The following PDE4C variants were observed in gnomAD, a reference collection of about 807,000 sequenced individuals.
PDE4C encodes 3',5'-cyclic-AMP phosphodiesterase 4C.
A neutral mutation model predicts 63.9 loss-of-function variants in PDE4C; 50 were observed. The ratio of observed to expected loss-of-function variants is 0.78; its 90% confidence interval spans 0.62 to 0.99. The LOEUF is 0.99. PDE4C is among the 50% of genes least tolerant of loss of function. The probability of loss-of-function intolerance (pLI) is 0.00; values close to 1 mark genes in which losing one functional copy is unlikely to be tolerated. For synonymous variants in PDE4C, 377 were observed against 385.1 expected (o/e 0.98, Z 0.25); for missense variants, 777 against 899.1 (o/e 0.86, Z 1.74).
At position 18,220,941 on chromosome 19, in the gene PDE4C, C is replaced by T. The variant is rs528031962; in HGVS notation, c.450-18G>A. ...GTCCCTGCCTGCGGTACAGCAGCCTCAGGCGTGGCTGCTCCGCCCATCTCG... is the reference window on the plus strand; with the variant it reads ...GTCCCTGCCTGCGGTACAGCAGCCTTAGGCGTGGCTGCTCCGCCCATCTCG... On this transcript the variant is annotated intron_variant, in intron 4 of 14. Transcript: ENST00000262805. This position sits in a 1 kb window ranked among gnomAD's most constrained non-coding sequence, Gnocchi z 5.1. 7.5e-6 allele frequency: 12 copies of T among 1,596,804 alleles called. No individual in the cohort carries two copies. The South Asian group carries it at 1.0e-4, about 14-fold the overall frequency.
upstream of PDE4C, chr19:18,250,562 C>A: frequency 2.5e-6 from 1 of 398,142 alleles, no homozygotes; most frequent in East Asian, 3.6e-5. Flanking sequence ...AAAATCTGTT[C>A]TCAGGAAGCT....
intron 9 of PDE4C, 99 bp from the exon 10 acceptor site, chr19:18,218,597 A>ATAGAT: frequency 3.0e-6 from 4 of 1,348,958 alleles, no homozygotes; most frequent in Non-Finnish European, 4.2e-6. Context: ...TGCCTCAAGC[A>ATAGAT]CCTGCTCCTC....
chr19:18,238,131 G>A (rs1174471186), upstream of PDE4C, among the ~76,000 whole-genome samples: 1 of 151,938 alleles, frequency 6.6e-6, no homozygotes, highest in Non-Finnish European at 1.5e-5. Flanking sequence ...AGGCTGAGGT[G>A]GGAGGACTGC....
rs941970280 is a variant in PDE4C at position 18,215,835 on chromosome 19, T to TC, written c.1389+905_1389+906insG. ...GCTGCTTAATTTTTTTCTTTTCTTT[T>TC]TTTTTTTTTTTTGAGACAGAGTCTC... On this transcript the variant is annotated intron_variant, in intron 12 of 14. Transcript: ENST00000262805. 1.0e-4 allele frequency among the ~76,000 whole-genome samples: 15 copies of TC among 147,956 alleles called. 1 individual carries two copies.
At chr19:18,224,559 C>T in intron 1 of PDE4C, 4 of 964,966 alleles carry the variant, frequency 4.1e-6, no homozygotes, top group Non-Finnish European at 4.9e-6. Flanking sequence ...CGATTGAGCT[C>T]GGGAGACTTC....
exon 15 of PDE4C, chr19:18,211,093 C>G (rs375292128): frequency 2.4e-5 from 39 of 1,614,082 alleles, no homozygotes; most frequent in Non-Finnish European, 3.2e-5. Flanking sequence ...AGAGTCAGTT[C>G]AAACTGGAAT....
In PDE4C at chr19:18,220,584, C is replaced by A; in HGVS notation, c.500-69G>T. ...AGGGACCCCACGCCTCTCGCGACTT[C>A]GTCTCTTCATCTGGACCCTGAAACT... On this transcript the variant is annotated intron_variant, in intron 5 of 14. Transcript: ENST00000262805. This position sits in a 1 kb window ranked among gnomAD's most constrained non-coding sequence, Gnocchi z 5.1. The A allele has an allele frequency of 7.4e-7, 1 of 1,350,458 alleles. No individual in the cohort carries two copies. The highest frequency in any genetic ancestry group is 1.0e-6 in the Non-Finnish European group (1 of 964,898). The allele number at this position is 1,350,458 out of a possible 1,614,324, so 83.7% of individuals were successfully genotyped here.
At chr19:18,242,695 G>T (rs1049612250) in intron 1 of PDE4C, among the ~76,000 whole-genome samples, 2 of 148,674 alleles carry the variant, frequency 1.3e-5, no homozygotes, top group Non-Finnish European at 1.5e-5. Context: ...TGACGTAAGG[G>T]AATTGCTTGA....
At chr19:18,229,052 C>T (rs901273744), upstream of PDE4C, among the ~76,000 whole-genome samples, 2 of 151,938 alleles carry the variant, frequency 1.3e-5, no homozygotes, top group Non-Finnish European at 2.9e-5. Context: ...TCTCCTGCCT[C>T]AGCCTCCCAA....
At chr19:18,216,888 C>T in exon 12 of PDE4C, 1 of 1,611,314 alleles carries the variant, frequency 6.2e-7, no homozygotes, top group Non-Finnish European at 8.5e-7. Context: ...TAAGCGCCAG[C>T]TCTGAGTCTG....
upstream of PDE4C, among the ~76,000 whole-genome samples, chr19:18,251,774 G>A (rs73001498): frequency 0.14 from 20,100 of 143,522 alleles, 1,738 homozygotes; most frequent in East Asian, 0.32. Flanking sequence ...TTTTTGTAGA[G>A]ACAAAGTCCT....
chr19:18,212,771 C>T (rs1043787191), intron 13 of PDE4C, among the ~76,000 whole-genome samples: 4 of 151,690 alleles, frequency 2.6e-5, no homozygotes, highest in African/African-American at 9.7e-5. Context: ...TCACTGCAAC[C>T]TCTACCTCCC....
At chr19:18,216,715 C>T (rs201517406) in intron 12 of PDE4C, 26 bp downstream of exon 12, 36 of 1,567,318 alleles carry the variant, frequency 2.3e-5, no homozygotes, top group Non-Finnish European at 2.9e-5. Flanking sequence ...CTGCCCCTCC[C>T]GCCCCGCTTA....
chr19:18,242,612 T>C (rs1262415336), intron 1 of PDE4C, among the ~76,000 whole-genome samples: 4 of 126,694 alleles, frequency 3.2e-5, no homozygotes, highest in Non-Finnish European at 4.9e-5. Flanking sequence ...TGACACCCTG[T>C]CTCTACTAAA....
chr19:18,215,060 TCTC>T (rs935640470), intron 12 of PDE4C, among the ~76,000 whole-genome samples: 2 of 151,546 alleles, frequency 1.3e-5, no homozygotes, highest in Non-Finnish European at 2.9e-5. Flanking sequence ...TCTCAAAACT[TCTC>T]CTCAAATCTC....
exon 2 of PDE4C, chr19:18,222,182 A>G: frequency 6.2e-7 from 1 of 1,614,140 alleles, no homozygotes; most frequent in East Asian, 2.2e-5. Flanking sequence ...GCGAGAGTTC[A>G]TAGTCGCTAT....
intron 12 of PDE4C, among the ~76,000 whole-genome samples, chr19:18,215,486 T>TAA (rs10712414): frequency 1.4e-5 from 2 of 146,184 alleles, no homozygotes; most frequent in Admixed American, 6.8e-5. Flanking sequence ...TGCCCCTACC[T>TAA]AAAAAAAAAA....
At chr19:18,242,655 T>A (rs903747670) in intron 1 of PDE4C, among the ~76,000 whole-genome samples, 4 of 150,992 alleles carry the variant, frequency 2.6e-5, no homozygotes, top group African/African-American at 9.7e-5. Context: ...CATGGTGGCA[T>A]GGGGCAGTAA....
chr19:18,241,983 T>G (rs1182585420), intron 1 of PDE4C, among the ~76,000 whole-genome samples: 1 of 152,156 alleles, frequency 6.6e-6, no homozygotes, highest in Non-Finnish European at 1.5e-5. Flanking sequence ...AAAAGAAAAC[T>G]GGACAAGGGT....
Sources: gnomAD v4.1 joint callset for allele counts (sites outside exome capture counted in the v4.1 genomes callset) on GRCh38, gnomAD v4.1.1 for gene constraint, Gnocchi (gnomAD v3.1) non-coding constraint, MANE v1.5 for transcripts, NCBI Gene and HGNC (gene_info 2026-07-23, HGNC 2026-07-21) for gene names.